Variants in RNF14 observed in about 807,000 individuals in gnomAD.
RNF14 encodes the protein ring finger protein 14.
RNF14 carries 26 observed loss-of-function variants against 52.6 expected under a neutral mutation model. The ratio of observed to expected loss-of-function variants is 0.49; its 90% CI spans 0.36 to 0.69. RNF14 has a LOEUF of 0.69. Among genes scored for constraint, RNF14 ranks in the 30% least tolerant of loss-of-function variants. RNF14 has a pLI of 0.00. For missense variants in RNF14, 404 were observed against 560.4 expected, an observed-to-expected ratio of 0.72 and a Z score of 2.82; for synonymous variants, 194 against 202.0, an observed-to-expected ratio of 0.96 and a Z score of 0.34.
intron 2 of RNF14, among the ~76,000 whole-genome samples, chr5:141,972,315 G>T (rs1010460414): frequency 6.7e-6 from 1 of 148,734 alleles, no homozygotes; most frequent in Non-Finnish European, 1.5e-5. Context: ...CTGCAGCCTC[G>T]ACCTCCCAGG....
chr5:141,985,889 T>C (rs1755195483), intron 8 of RNF14, among the ~76,000 whole-genome samples: 1 of 152,254 alleles, frequency 6.6e-6, no homozygotes, highest in Non-Finnish European at 1.5e-5. Context: ...GTCAGTTATC[T>C]TATATAACGT....
chr5:141,981,967 A>C (rs1004284238), intron 6 of RNF14, among the ~76,000 whole-genome samples: 4 of 152,198 alleles, frequency 2.6e-5, no homozygotes, highest in African/African-American at 7.2e-5. Flanking sequence ...CCATGAGAGG[A>C]AAGAGTGGGT....
At chr5:141,956,297 C>G, upstream of RNF14, 1 of 1,614,194 alleles carries the variant, frequency 6.2e-7, no homozygotes, top group Non-Finnish European at 8.5e-7. Context: ...GACCTCTGAG[C>G]AGTGACCTCT....
the RNF14 span, chr5:141,951,624 A>G: frequency 4.8e-6 from 7 of 1,473,226 alleles, no homozygotes; most frequent in Non-Finnish European, 6.7e-6. Flanking sequence ...GACTCCACAC[A>G]ATTCCGACTC....
At chr5:141,957,058 T>C, upstream of RNF14, 1 of 1,614,134 alleles carries the variant, frequency 6.2e-7, no homozygotes, top group Non-Finnish European at 8.5e-7. The surrounding 1 kb of genome is among the most constrained non-coding windows in gnomAD (Gnocchi z 4.3). Flanking sequence ...GGCGGTCAGT[T>C]TTATGAGAAG....
At chr5:141,959,925 G>C (rs565693174) in intron 1 of RNF14, among the ~76,000 whole-genome samples, 77 of 152,306 alleles carry the variant, frequency 5.1e-4, no homozygotes, top group Non-Finnish European at 9.4e-4. Context: ...ACTCAGCACA[G>C]GGCCTGGCTC....
intron 2 of RNF14, among the ~76,000 whole-genome samples, chr5:141,971,566 TCTTTC>T (rs1254559926): frequency 7.1e-6 from 1 of 139,942 alleles, no homozygotes; most frequent in Non-Finnish European, 1.6e-5. Flanking sequence ...AATTTCTTTT[TCTTTC>T]TTTCTTTCTT....
At chr5:141,954,934 G>A, upstream of RNF14, 2 of 1,581,996 alleles carry the variant, frequency 1.3e-6, no homozygotes, top group Non-Finnish European at 1.7e-6. Context: ...TGGTGGTCCA[G>A]GAGTGACCAG....
chr5:141,985,033 G>T, intron 8 of RNF14, 100 bp downstream of exon 8: 1 of 1,079,800 alleles, frequency 9.3e-7, no homozygotes, highest in Non-Finnish European at 1.4e-6. Context: ...GACTTATTTA[G>T]AGAATTCTCT....
At chr5:141,949,576 T>C in the RNF14 span, 2 of 1,613,306 alleles carry the variant, frequency 1.2e-6, no homozygotes, top group South Asian at 2.2e-5. Flanking sequence ...GTGTCTGGGA[T>C]TGCACTCCTG....
upstream of RNF14, chr5:141,956,249 C>T (rs747870682): frequency 1.2e-6 from 2 of 1,614,208 alleles, no homozygotes; most frequent in East Asian, 2.2e-5. Flanking sequence ...TCTGCGATCA[C>T]CTGGAACTCA....
intron 1 of RNF14, chr5:141,958,480 G>A (rs957503125): frequency 6.6e-6 from 1 of 152,436 alleles, no homozygotes; most frequent in African/African-American, 2.4e-5. Flanking sequence ...TGCCCCTCCC[G>A]GGCAAGTCAT....
At chr5:141,955,050 G>C, upstream of RNF14, 6 of 1,614,218 alleles carry the variant, frequency 3.7e-6, no homozygotes, top group Non-Finnish European at 5.1e-6. This position sits in a 1 kb window ranked among gnomAD's most constrained non-coding sequence, Gnocchi z 5.5. Context: ...GCCGGACCAG[G>C]CTCCGCAGGA....
intron 1 of RNF14, among the ~76,000 whole-genome samples, chr5:141,961,730 A>AG (rs1019181569): frequency 6.6e-6 from 1 of 152,044 alleles, no homozygotes; most frequent in African/African-American, 2.4e-5. Context: ...GGGAGGGCTG[A>AG]GGGGTGAAGT....
At chr5:141,960,353 C>T (rs747695869) in intron 1 of RNF14, among the ~76,000 whole-genome samples, 5 of 152,202 alleles carry the variant, frequency 3.3e-5, no homozygotes, top group Non-Finnish European at 5.9e-5. Context: ...GGAGGGCACA[C>T]GCTGAATCCT....
intron 1 of RNF14, among the ~76,000 whole-genome samples, chr5:141,959,834 C>A (rs1018124289): frequency 1.3e-5 from 2 of 152,182 alleles, no homozygotes; most frequent in African/African-American, 4.8e-5. Context: ...AGCTCTGAGA[C>A]ACTGCACAAG....
chr5:141,957,262 A>G (rs1753200665), upstream of RNF14: 4 of 1,614,038 alleles, frequency 2.5e-6, no homozygotes, highest in East Asian at 6.7e-5. The surrounding 1 kb of genome is among the most constrained non-coding windows in gnomAD (Gnocchi z 4.3). Flanking sequence ...CTTCACCACT[A>G]TGAGTTCTGC....
At chr5:141,983,040 A>G (rs1025794985) in intron 6 of RNF14, among the ~76,000 whole-genome samples, 10 of 152,136 alleles carry the variant, frequency 6.6e-5, no homozygotes, top group African/African-American at 2.4e-4. Flanking sequence ...ATTTATTATC[A>G]TTTGTGCAAG....
At position 141,978,670 on chromosome 5, in the gene RNF14, G is replaced by A. The variant is rs1754475995; in HGVS notation, c.674G>A (p.Cys225Tyr). The A allele has an allele frequency of 6.2e-7, 1 of 1,613,890 alleles. No homozygotes were observed. Among genetic ancestry groups the A allele is most frequent in the East Asian group, 2.2e-5 (1 of 44,900 alleles). The change falls in exon 5 of 9, where the codon TGT becomes TAT. Residue 225 changes from cysteine to tyrosine, a missense_variant. Transcript: ENST00000394520. ...SKLFLCSICF[C>Y]EKLGSECMYF... is the part of the protein sequence containing the mutation. ...TTGTTCCTGTGCAGTATCTGTTTCT[G>A]TGAGAAGCTGGGTAGTGAATGCATG...
Sources: gnomAD v4.1 joint callset for allele counts (sites outside exome capture counted in the v4.1 genomes callset) on GRCh38, gnomAD v4.1.1 for gene constraint, Gnocchi (gnomAD v3.1) non-coding constraint, MANE v1.5 for transcripts, NCBI Gene and HGNC (gene_info 2026-07-23, HGNC 2026-07-21) for gene names.